The following NAV3 variants were observed in gnomAD, a reference collection of about 807,000 sequenced individuals.
The protein encoded by NAV3 is neuron navigator 3.
A neutral mutation model predicts 244.7 loss-of-function variants in NAV3; 87 were observed. That is an observed-to-expected ratio of 0.36 (90% CI 0.30 to 0.42). The LOEUF (loss-of-function observed/expected upper bound fraction) is 0.42. Among genes scored for constraint, NAV3 ranks in the 20% least tolerant of loss-of-function variants. NAV3 has a pLI of 1.00. For missense variants in NAV3, 2,663 were observed against 2,893.3 expected (o/e 0.92, Z 1.83); for synonymous variants, 1,126 against 1,042.2 (o/e 1.08, Z -1.55).
At chr12:78,052,921 A>G (rs1330245547) in intron 11 of NAV3, among the ~76,000 whole-genome samples, 2 of 151,972 alleles carry the variant, frequency 1.3e-5, no homozygotes, top group Non-Finnish European at 2.9e-5. Context: ...AATATATATA[A>G]AGATATATAT....
At chr12:77,928,222 CAAAA>C (rs759919821) in intron 1 of NAV3, among the ~76,000 whole-genome samples, 2 of 80,530 alleles carry the variant, frequency 2.5e-5, no homozygotes, top group African/African-American at 1.0e-4. Flanking sequence ...GGCTCCGCCT[CAAAA>C]AAAAAAAAAA....
chr12:77,880,039 A>G (rs1242961885), intron 1 of NAV3, among the ~76,000 whole-genome samples: 2 of 152,138 alleles, frequency 1.3e-5, no homozygotes, highest in Non-Finnish European at 2.9e-5. Flanking sequence ...GTAAAAATGT[A>G]CCTGGCTTCA....
rs74107144 is a variant in NAV3, at chr12:78,151,991, G to A, written c.4785+3072G>A. On this transcript the variant is annotated intron_variant, in intron 22 of 39. Coordinates refer to ENST00000397909, the MANE Select transcript of NAV3 (RefSeq NM_001024383.2). ...CTTTTCCTTTATTTGTGGTATTTTA[G>A]TTTCAAACTAAAATATAAATCACCT... Among the ~76,000 whole-genome samples the A allele has an allele frequency of 3.2e-3, 480 of 151,094 alleles. 3 individuals are homozygous for A. The highest frequency in any genetic ancestry group is 0.011 in the African/African-American group (441 of 41,234).
chr12:77,884,446 A>ATGGT (rs1307631535), intron 1 of NAV3, among the ~76,000 whole-genome samples: 1 of 152,068 alleles, frequency 6.6e-6, no homozygotes, highest in Admixed American at 6.6e-5. Flanking sequence ...AGGGAAGCTG[A>ATGGT]TGGTGTAGCT....
chr12:78,080,611 TTC>T (rs1278953313), intron 12 of NAV3, among the ~76,000 whole-genome samples: 2 of 152,178 alleles, frequency 1.3e-5, no homozygotes, highest in African/African-American at 4.8e-5. Flanking sequence ...ATAGTTTAAT[TTC>T]TGTCTAAAAT....
chr12:78,164,796 G>T (rs1448307684), intron 23 of NAV3, among the ~76,000 whole-genome samples: 2 of 152,012 alleles, frequency 1.3e-5, no homozygotes, highest in Non-Finnish European at 2.9e-5. Context: ...TAGTGCCAAT[G>T]TGAGGACCTA....
In NAV3 at chr12:78,066,701, A is replaced by C. The variant is rs12321075; in HGVS notation, c.2636+7586A>C. Reference sequence around the variant, plus strand: ...TATTTTCATATATAATCATGCTTTTATTGAAAGTATAAAAGCATAATACAT... The same window carrying C: ...TATTTTCATATATAATCATGCTTTTCTTGAAAGTATAAAAGCATAATACAT... On this transcript the variant is annotated intron_variant, in intron 12 of 39. Transcript: ENST00000397909. 6.0e-3 allele frequency among the ~76,000 whole-genome samples: 916 copies of C among 152,200 alleles called. 8 individuals are homozygous for C. Among genetic ancestry groups the C allele is most frequent in the African/African-American group, 0.021 (867 of 41,542 alleles).
chr12:77,679,592 G>C (rs979258381), intron 2 of NAV3, among the ~76,000 whole-genome samples: 1 of 152,080 alleles, frequency 6.6e-6, no homozygotes, highest in Non-Finnish European at 1.5e-5. Flanking sequence ...GTTTACTCCA[G>C]GATGCTGAAA....
chr12:77,611,027 G>A (rs1870890364), intron 2 of NAV3, among the ~76,000 whole-genome samples: 1 of 150,384 alleles, frequency 6.6e-6, no homozygotes, highest in Non-Finnish European at 1.5e-5. Context: ...AAAAAAAACT[G>A]TTTAGCTCTG....
At chr12:77,621,315 GC>G (rs890825251) in intron 2 of NAV3, among the ~76,000 whole-genome samples, 3 of 152,124 alleles carry the variant, frequency 2.0e-5, no homozygotes, top group Non-Finnish European at 4.4e-5. Context: ...TAGAAGCAAT[GC>G]CCTCCTACCC....
chr12:78,013,465 G>A (rs959710184), intron 8 of NAV3, among the ~76,000 whole-genome samples: 4 of 152,082 alleles, frequency 2.6e-5, no homozygotes, highest in Non-Finnish European at 5.9e-5. Context: ...GAGGGGGACA[G>A]GGAGGGAAAC....
At chr12:78,018,959 T>G (rs1388492591) in intron 8 of NAV3, among the ~76,000 whole-genome samples, 1 of 152,078 alleles carries the variant, frequency 6.6e-6, no homozygotes, top group African/African-American at 2.4e-5. Flanking sequence ...GGGGAGGGAC[T>G]GTCAGTAGAT....
intron 2 of NAV3, among the ~76,000 whole-genome samples, chr12:77,637,053 T>C (rs1872190265): frequency 6.6e-6 from 1 of 152,076 alleles, no homozygotes. Flanking sequence ...GATGGGTTGA[T>C]GGTTGCAGCA....
chr12:77,906,821 T>A (rs538345343), intron 1 of NAV3, among the ~76,000 whole-genome samples: 1 of 152,264 alleles, frequency 6.6e-6, no homozygotes, highest in East Asian at 1.9e-4. Context: ...AATATTGAAC[T>A]ACTAACATTT....
intron 38 of NAV3, among the ~76,000 whole-genome samples, chr12:78,204,545 C>T (rs1315579718): frequency 6.6e-6 from 1 of 152,024 alleles, no homozygotes; most frequent in African/African-American, 2.4e-5. Context: ...TAGTAGAGAA[C>T]TCTACTTAAT....
At chr12:78,206,216 T>C (rs919802298) in intron 39 of NAV3, among the ~76,000 whole-genome samples, 1 of 152,156 alleles carries the variant, frequency 6.6e-6, no homozygotes, top group Non-Finnish European at 1.5e-5. Context: ...TGATTTCTGA[T>C]CTAGGCGATA....
intron 3 of NAV3, among the ~76,000 whole-genome samples, chr12:77,953,824 A>G (rs1891118469): frequency 6.6e-6 from 1 of 152,168 alleles, no homozygotes; most frequent in Admixed American, 6.6e-5. Flanking sequence ...GGGCTTGCCA[A>G]AGTTTTGATT....
intron 3 of NAV3, among the ~76,000 whole-genome samples, chr12:77,962,575 T>A (rs2137878268): frequency 6.6e-6 from 1 of 152,244 alleles, no homozygotes; most frequent in East Asian, 1.9e-4. Context: ...ACCTTCACTG[T>A]CTCTTCACTA....
chr12:77,800,839 T>A (rs1871668311), intron 2 of NAV3, among the ~76,000 whole-genome samples: 1 of 152,128 alleles, frequency 6.6e-6, no homozygotes, highest in South Asian at 2.1e-4. Flanking sequence ...TTTTGAAAGA[T>A]AAATGCTAGC....
Sources: allele counts gnomAD v4.1 joint callset (sites outside exome capture counted in the v4.1 genomes callset), GRCh38; gene constraint gnomAD v4.1.1; transcripts MANE v1.5; gene names NCBI Gene and HGNC (gene_info 2026-07-23, HGNC 2026-07-21).